The following CDK12 variants were observed in gnomAD, a reference collection of about 807,000 sequenced individuals.
The protein encoded by CDK12 is cyclin dependent kinase 12.
CDK12 carries 17 observed loss-of-function variants against 133.8 expected under a neutral mutation model. The observed-to-expected ratio is 0.13, with a 90% CI of 0.09 to 0.19. The LOEUF is 0.19. Among genes scored for constraint, CDK12 ranks in the 10% least tolerant of loss-of-function variants. CDK12 has a pLI of 1.00. For missense variants in CDK12, 1,508 were observed against 1,818.7 expected (o/e 0.83, Z 3.11); for synonymous variants, 694 against 683.6 (o/e 1.02, Z -0.24).
chr17:39,511,559 G>A lies in CDK12; in HGVS notation c.2697G>A (p.Leu899=), dbSNP rs754524903. ...CTTACACAAACAAAGTCATTACTTT[G>A]TGGTACCGACCTCCAGAACTACTGC... ...SRPYTNKVIT[L]WYRPPELLLG... Residue 899 remains leucine (L), a synonymous_variant, in exon 8 of 14, where the codon TTG becomes TTA. Transcript: ENST00000447079. 1.2e-6 allele frequency: 2 copies of A among 1,611,868 alleles called. No homozygotes were observed. Among genetic ancestry groups the A allele is most frequent in the East Asian group, 2.2e-5 (1 of 44,866 alleles).
intron 3 of CDK12, among the ~76,000 whole-genome samples, chr17:39,563,391 TTC>T (rs71147359): frequency 1.6e-4 from 23 of 146,750 alleles, no homozygotes; most frequent in Non-Finnish European, 2.4e-4. Context: ...GAACTCAATA[TTC>T]TCTCTCTCTC....
At chr17:39,561,960 G>C (rs1039373211) in intron 3 of CDK12, among the ~76,000 whole-genome samples, 1 of 152,056 alleles carries the variant, frequency 6.6e-6, no homozygotes, top group African/African-American at 2.4e-5. Flanking sequence ...ATTTTTTTGA[G>C]ATGGAGTCTT....
rs537216422 is a variant in CDK12, at chr17:39,464,145, A to G, written c.1046+1028A>G. Among the ~76,000 whole-genome samples, 3 of 152,294 alleles carry G rather than the reference A, an allele frequency of 2.0e-5. No homozygotes were observed. The South Asian group carries it at 6.2e-4, about 32-fold the overall frequency. ...CATAGCACAGTGCCTTGTACATAAT[A>G]TCACTCAGTAAATTATGAGTGAGGA... On this transcript the variant is annotated intron_variant, in intron 1 of 13. Transcript: ENST00000447079.
chr17:39,492,013 T>TAAAA (rs751681718), intron 3 of CDK12, among the ~76,000 whole-genome samples: 45 of 113,036 alleles, frequency 4.0e-4, no homozygotes, highest in African/African-American at 1.6e-3. Flanking sequence ...TGTAGAGTAC[T>TAAAA]AAAAAAAAAA....
chr17:39,484,881 AAC>A (rs1166183265), intron 2 of CDK12, among the ~76,000 whole-genome samples: 2 of 152,144 alleles, frequency 1.3e-5, no homozygotes, highest in South Asian at 2.1e-4. Flanking sequence ...AAAAATTTGA[AAC>A]ACTCAGGCCG....
chr17:39,472,961 A>G (rs1240747437), intron 2 of CDK12, among the ~76,000 whole-genome samples: 1 of 152,020 alleles, frequency 6.6e-6, no homozygotes, highest in Non-Finnish European at 1.5e-5. Flanking sequence ...CTGTAGTCCC[A>G]GCTACTTGGG....
intron 8 of CDK12, among the ~76,000 whole-genome samples, chr17:39,514,238 A>G (rs1400120499): frequency 6.6e-6 from 1 of 152,032 alleles, no homozygotes; most frequent in Non-Finnish European, 1.5e-5. Flanking sequence ...AGGGTTTGAG[A>G]GAATATAGGA....
At chr17:39,500,386 A>G (rs1405568054) in intron 5 of CDK12, among the ~76,000 whole-genome samples, 2 of 151,842 alleles carry the variant, frequency 1.3e-5, no homozygotes, top group Non-Finnish European at 2.9e-5. Context: ...TAATCCCAAC[A>G]CTTTGGGAAG....
In CDK12 at chr17:39,532,102, T is replaced by TTCTCTCTCTCTCTATCTCTCTC. The variant is rs1232452261; in HGVS notation, c.*799_*800insATCTCTCTCTCTCTCTCTCTCT. The TTCTCTCTCTCTCTATCTCTCTC allele has an allele frequency of 4.6e-5, 10 of 218,628 alleles. No individual in the cohort carries two copies. Among genetic ancestry groups the TTCTCTCTCTCTCTATCTCTCTC allele is most frequent in the African/African-American group, 2.3e-4 (9 of 38,524 alleles). 13.5% of individuals were successfully genotyped at this position (218,628 alleles called of 1,614,324 possible). ...GCTGATGTGTGCTCTCTCTCTCTCT[T>TTCTCTCTCTCTCTATCTCTCTC]TCTCTCTCTCTCTCTCTCTCTCTCT... On this transcript the variant is annotated 3_prime_UTR_variant, in exon 14 of 14. Coordinates refer to ENST00000447079, the MANE Select transcript of CDK12 (RefSeq NM_016507.4).
chr17:39,493,989 C>G (rs1180373471), intron 4 of CDK12, among the ~76,000 whole-genome samples: 4 of 151,946 alleles, frequency 2.6e-5, no homozygotes, highest in Non-Finnish European at 5.9e-5. Flanking sequence ...GAGCAAGACT[C>G]CATCTCAAAA....
chr17:39,493,182 T>C (rs1489157852), intron 4 of CDK12, among the ~76,000 whole-genome samples: 1 of 151,060 alleles, frequency 6.6e-6, no homozygotes, highest in African/African-American at 2.4e-5. Flanking sequence ...TTTTTTTTTT[T>C]AGTAGAAACA....
chr17:39,469,343 A>G (rs1475828059), intron 1 of CDK12, among the ~76,000 whole-genome samples: 1 of 152,220 alleles, frequency 6.6e-6, no homozygotes, highest in Non-Finnish European at 1.5e-5. Flanking sequence ...TCATTTTATA[A>G]TAAAGATATT....
chr17:39,531,180 G>GAACCACTGGGGCCAGC lies in CDK12; in HGVS notation c.4339_4354dup (p.Ser1452AsnfsTer66), dbSNP rs2054820973. ...CAAAACTATGGGGAGCTGGGGCCAG[G>GAACCACTGGGGCCAGC]AACCACTGGGGCCAGCAGCTCAGGA... On this transcript the variant is annotated frameshift_variant, in exon 14 of 14. Coordinates refer to ENST00000447079, the MANE Select transcript of CDK12 (RefSeq NM_016507.4). LOFTEE classifies it high-confidence loss of function. 1 of 1,523,370 alleles carries GAACCACTGGGGCCAGC rather than the reference G, an allele frequency of 6.6e-7. No homozygotes were observed. Among genetic ancestry groups the GAACCACTGGGGCCAGC allele is most frequent in the Non-Finnish European group, 8.8e-7 (1 of 1,137,118 alleles). The allele number at this position is 1,523,370 out of a possible 1,614,324, so 94.4% of individuals were successfully genotyped here.
intron 4 of CDK12, 35 bp downstream of exon 4, chr17:39,492,925 G>A (rs767734225): frequency 6.4e-7 from 1 of 1,561,172 alleles, no homozygotes; most frequent in Non-Finnish European, 8.7e-7. Flanking sequence ...ATGTCAGAAT[G>A]TTAACAATTT....
intron 8 of CDK12, among the ~76,000 whole-genome samples, chr17:39,513,107 C>T (rs1006307419): frequency 2.0e-5 from 3 of 152,160 alleles, no homozygotes; most frequent in Non-Finnish European, 4.4e-5. Context: ...ATCCATTTCT[C>T]TAAGGAGTCT....
intron 1 of CDK12, among the ~76,000 whole-genome samples, chr17:39,539,802 A>G (rs868341766): frequency 3.9e-5 from 6 of 152,162 alleles, no homozygotes; most frequent in African/African-American, 1.4e-4. Context: ...ATTTGAAAAT[A>G]AAGAAGATAG....
chr17:39,544,872 C>T (rs1366112807), upstream of CDK12, among the ~76,000 whole-genome samples: 6 of 151,994 alleles, frequency 3.9e-5, no homozygotes, highest in South Asian at 2.1e-4. Context: ...TCAGGTAATC[C>T]GCCCGCCTCA....
At chr17:39,475,571 G>A (rs995573562) in intron 2 of CDK12, among the ~76,000 whole-genome samples, 9 of 146,114 alleles carry the variant, frequency 6.2e-5, no homozygotes, top group East Asian at 3.9e-4. Flanking sequence ...TTTTTGAGAC[G>A]GTGTCTCACA....
intron 1 of CDK12, among the ~76,000 whole-genome samples, chr17:39,539,800 A>G (rs1050266703): frequency 2.1e-4 from 32 of 152,252 alleles, no homozygotes; most frequent in Admixed American, 1.2e-3. Flanking sequence ...TTATTTGAAA[A>G]TAAAGAAGAT....
Sources: allele counts gnomAD v4.1 joint callset (sites outside exome capture counted in the v4.1 genomes callset), GRCh38; gene constraint gnomAD v4.1.1; transcripts MANE v1.5; gene names NCBI Gene and HGNC (gene_info 2026-07-23, HGNC 2026-07-21).